The following OR2L13 variants were observed in gnomAD, a reference collection of about 807,000 sequenced individuals.
OR2L13 encodes olfactory receptor 2L13.
Under a neutral mutation model 15.3 loss-of-function variants are expected in OR2L13, and 14 were observed. The ratio of observed to expected loss-of-function variants is 0.91; its 90% CI spans 0.60 to 1.43. The LOEUF (loss-of-function observed/expected upper bound fraction) is 1.43. OR2L13 is among the 40% of genes most tolerant of loss of function. OR2L13 has a pLI of 0.00. For synonymous variants in OR2L13, 152 were observed against 142.9 expected (o/e 1.06, Z -0.45); for missense variants, 367 against 387.9 (o/e 0.95, Z 0.45).
chr1:248,012,398 A>G, the OR2L13 span, among the ~76,000 whole-genome samples: 706 of 152,148 alleles, frequency 4.6e-3, 6 homozygotes, highest in African/African-American at 0.016. Flanking sequence ...TATCCCCCAC[A>G]TGTGTTTACA....
chr1:248,032,686 T>C, the OR2L13 span, among the ~76,000 whole-genome samples: 1 of 152,234 alleles, frequency 6.6e-6, no homozygotes, highest in Non-Finnish European at 1.5e-5. Context: ...TCAAAATTTC[T>C]TTCATTTTAA....
chr1:247,948,938 C>A, the OR2L13 span: 1 of 1,613,788 alleles, frequency 6.2e-7, no homozygotes, highest in African/African-American at 1.3e-5. Context: ...TTTTCTTCTT[C>A]ATTCTCATTG....
At chr1:248,073,463 C>A in the OR2L13 span, among the ~76,000 whole-genome samples, 9,580 of 151,090 alleles carry the variant, frequency 0.063, 324 homozygotes, top group East Asian at 0.12. Flanking sequence ...ACATCACACT[C>A]TGAGGACTGT....
the OR2L13 span, chr1:247,949,426 A>T: frequency 6.2e-7 from 1 of 1,612,802 alleles, no homozygotes; most frequent in East Asian, 2.2e-5. Flanking sequence ...GCCTGCATGG[A>T]CACCTGGGTC....
At chr1:247,989,893 C>A in the OR2L13 span, among the ~76,000 whole-genome samples, 1 of 152,210 alleles carries the variant, frequency 6.6e-6, no homozygotes, top group East Asian at 1.9e-4. Flanking sequence ...GTTCCCCTCA[C>A]TTTATCTCAT....
At chr1:247,965,569 C>T in the OR2L13 span, 2 of 1,604,360 alleles carry the variant, frequency 1.2e-6, no homozygotes, top group Non-Finnish European at 8.5e-7. Flanking sequence ...TCTGCTCAGT[C>T]AGCTCTCCAT....
chr1:247,994,213 G>C, the OR2L13 span, among the ~76,000 whole-genome samples: 1 of 152,038 alleles, frequency 6.6e-6, no homozygotes, highest in Admixed American at 6.6e-5. Flanking sequence ...TGGCTAACAC[G>C]GTGAAAACCC....
At chr1:247,963,504 G>A in the OR2L13 span, among the ~76,000 whole-genome samples, 43 of 152,196 alleles carry the variant, frequency 2.8e-4, no homozygotes, top group South Asian at 7.1e-3. Context: ...AAACAAGTCC[G>A]GCTGAATTCC....
At chr1:247,962,638 A>G in the OR2L13 span, among the ~76,000 whole-genome samples, 1 of 152,200 alleles carries the variant, frequency 6.6e-6, no homozygotes, top group Non-Finnish European at 1.5e-5. Context: ...AGAAGTGTCT[A>G]CTTTTACTAT....
chr1:248,072,146 C>T, the OR2L13 span, among the ~76,000 whole-genome samples: 1 of 151,896 alleles, frequency 6.6e-6, no homozygotes, highest in Non-Finnish European at 1.5e-5. Context: ...TCATATGGAA[C>T]CAGAAAAGAG....
the OR2L13 span, among the ~76,000 whole-genome samples, chr1:247,953,925 A>C: frequency 7.0e-4 from 65 of 93,034 alleles, no homozygotes; most frequent in Admixed American, 3.2e-3. Context: ...GTTTCGAGCC[A>C]GTGTCTCTTT....
At chr1:248,073,762 ATAT>A in the OR2L13 span, among the ~76,000 whole-genome samples, 4 of 151,922 alleles carry the variant, frequency 2.6e-5, no homozygotes, top group Admixed American at 2.6e-4. Flanking sequence ...AAAAAAATAA[ATAT>A]TATAGAAAAG....
At chr1:248,079,303 C>T in the OR2L13 span, among the ~76,000 whole-genome samples, 1 of 151,892 alleles carries the variant, frequency 6.6e-6, no homozygotes, top group Non-Finnish European at 1.5e-5. Flanking sequence ...ACACAAATAA[C>T]GGCAACAAAA....
the OR2L13 span, among the ~76,000 whole-genome samples, chr1:247,993,807 G>GAGAGAGAGAGAGAGAGAGAGAGAGAGAA: frequency 1.6e-4 from 21 of 129,012 alleles, no homozygotes; most frequent in Non-Finnish European, 2.5e-4. Context: ...GAGAGAGAGA[G>GAGAGAGAGAGAGAGAGAGAGAGAGAGAA]AGAGAAAGAA....
the OR2L13 span, among the ~76,000 whole-genome samples, chr1:247,989,430 CAT>C: frequency 1.3e-5 from 2 of 152,056 alleles, no homozygotes; most frequent in African/African-American, 4.8e-5. Context: ...CTGTTGCATG[CAT>C]ATGTTTTAAG....
the OR2L13 span, among the ~76,000 whole-genome samples, chr1:248,012,974 C>T: frequency 6.6e-6 from 1 of 151,484 alleles, no homozygotes; most frequent in East Asian, 1.9e-4. Context: ...TAAATATATT[C>T]TAGATATTAT....
At chr1:248,075,878 T>G in the OR2L13 span, among the ~76,000 whole-genome samples, 3 of 152,238 alleles carry the variant, frequency 2.0e-5, no homozygotes, top group African/African-American at 7.2e-5. Flanking sequence ...CAATTTTGGC[T>G]TTTGTTGCCA....
the OR2L13 span, among the ~76,000 whole-genome samples, chr1:248,006,158 T>C: frequency 6.6e-6 from 1 of 152,036 alleles, no homozygotes; most frequent in African/African-American, 2.4e-5. Context: ...CCTGTGCCAC[T>C]GCTTCTATCA....
the OR2L13 span, among the ~76,000 whole-genome samples, chr1:248,044,521 C>T: frequency 1.5e-5 from 2 of 133,780 alleles, no homozygotes; most frequent in Non-Finnish European, 3.0e-5. Context: ...ACGCCTTCCC[C>T]GGCCGGGCGC....
Sources: allele counts gnomAD v4.1 joint callset (sites outside exome capture counted in the v4.1 genomes callset), GRCh38; gene constraint gnomAD v4.1.1; transcripts MANE v1.5; gene names NCBI Gene and HGNC (gene_info 2026-07-23, HGNC 2026-07-21).